Variants in TMEM131L observed in about 807,000 individuals in gnomAD.
The protein encoded by TMEM131L is transmembrane protein 131-like.
In TMEM131L, 54 loss-of-function variants were observed where a neutral mutation model predicts 192.2. The observed-to-expected ratio is 0.28, with a 90% CI of 0.23 to 0.35. The LOEUF is 0.35. Ranked by LOEUF, TMEM131L falls within the 10% of genes least tolerant of loss-of-function variation. The pLI, the probability that TMEM131L is intolerant of heterozygous loss-of-function variation, is 1.00. For missense variants in TMEM131L, 1,888 were observed against 1,972.9 expected (o/e 0.96, Z 0.82); for synonymous variants, 701 against 704.9 (o/e 0.99, Z 0.09).
chr4:153,587,772 C>T lies in TMEM131L; in HGVS notation c.1513C>T (p.His505Tyr), dbSNP rs1730795288. The T allele has an allele frequency of 6.2e-7, 1 of 1,613,292 alleles. No homozygotes were observed. Among genetic ancestry groups the T allele is most frequent in the Non-Finnish European group, 8.5e-7 (1 of 1,179,418 alleles). Residue 505 changes from histidine (H) to tyrosine (Y), a missense_variant, in exon 15 of 35, where the codon CAT becomes TAT. By Grantham distance (83) the His-to-Tyr change is moderately conservative (BLOSUM62 2). Coordinates refer to ENST00000409959, the MANE Select transcript of TMEM131L (RefSeq NM_001131007.2). ...EGSLGFEVIA[H>Y]CGMHYFMGKS... Reference sequence around the variant, plus strand: ...GAGTCTGGGTTTTGAAGTGATAGCACATTGTGGCATGCATTATTTCATGGG... The same window carrying T: ...GAGTCTGGGTTTTGAAGTGATAGCATATTGTGGCATGCATTATTTCATGGG...
intron 12 of TMEM131L, 100 bp downstream of exon 12, chr4:153,585,031 C>T (rs1730606157): frequency 2.2e-6 from 2 of 923,548 alleles, no homozygotes; most frequent in East Asian, 5.2e-5. Context: ...TTGTGTGATT[C>T]TCTCTCTCAC....
At chr4:153,603,750 A>G in intron 24 of TMEM131L, 52 bp from the exon 25 acceptor site, 1 of 1,518,108 alleles carries the variant, frequency 6.6e-7, no homozygotes, top group Non-Finnish European at 8.8e-7. Context: ...GCAGACAAGT[A>G]GAGTTTGATT....
chr4:153,560,892 G>A lies in TMEM131L; in HGVS notation c.660+2524G>A, dbSNP rs529556138. Among the ~76,000 whole-genome samples the A allele has an allele frequency of 9.2e-5, 14 of 152,258 alleles. No homozygotes were observed. In the East Asian group the frequency reaches 2.7e-3, roughly 29 times the overall value. ...ATCTTTCATATCTTTTCTCTTAGGTGTATATTTAGGAGTGGAATTTTGCTG... is the reference window on the plus strand; with the variant it reads ...ATCTTTCATATCTTTTCTCTTAGGTATATATTTAGGAGTGGAATTTTGCTG... On this transcript the variant is annotated intron_variant, in intron 7 of 34. Transcript: ENST00000409959.
intron 3 of TMEM131L, among the ~76,000 whole-genome samples, chr4:153,538,640 G>A (rs1736523942): frequency 6.6e-6 from 1 of 152,248 alleles, no homozygotes; most frequent in Non-Finnish European, 1.5e-5. Flanking sequence ...GCAAGCAGGG[G>A]CTGGAGTGAT....
intron 6 of TMEM131L, among the ~76,000 whole-genome samples, chr4:153,557,743 C>G (rs1022251980): frequency 6.6e-6 from 1 of 152,174 alleles, no homozygotes; most frequent in African/African-American, 2.4e-5. Context: ...TACTTGTGAA[C>G]AGATTTGCTA....
intron 31 of TMEM131L, among the ~76,000 whole-genome samples, chr4:153,629,484 C>T (rs565423804): frequency 8.5e-5 from 13 of 152,280 alleles, no homozygotes; most frequent in South Asian, 2.1e-4. Context: ...TAATACTTCC[C>T]GTCATTAAAA....
At chr4:153,484,889 G>C (rs1405880372) in intron 3 of TMEM131L, among the ~76,000 whole-genome samples, 1 of 147,754 alleles carries the variant, frequency 6.8e-6, no homozygotes, top group Non-Finnish European at 1.5e-5. Context: ...GGAGGCCGAG[G>C]CGGGCGGATC....
At chr4:153,567,345 C>G (rs996526514) in intron 7 of TMEM131L, among the ~76,000 whole-genome samples, 1 of 152,110 alleles carries the variant, frequency 6.6e-6, no homozygotes, top group Non-Finnish European at 1.5e-5. Flanking sequence ...CTACAAATAC[C>G]TGTGTAAACA....
intron 3 of TMEM131L, among the ~76,000 whole-genome samples, chr4:153,491,779 T>A (rs984908738): frequency 6.6e-6 from 1 of 152,270 alleles, no homozygotes; most frequent in East Asian, 1.9e-4. Context: ...CAGTCTTGGC[T>A]CACTACAACC....
At chr4:153,480,759 A>T (rs1326737366) in intron 3 of TMEM131L, among the ~76,000 whole-genome samples, 3 of 152,128 alleles carry the variant, frequency 2.0e-5, no homozygotes, top group Admixed American at 6.5e-5. Context: ...TATACTCTCT[A>T]TATAGAAGGA....
intron 3 of TMEM131L, among the ~76,000 whole-genome samples, chr4:153,493,810 A>G (rs1161871113): frequency 2.0e-5 from 3 of 152,160 alleles, no homozygotes; most frequent in Admixed American, 6.6e-5. Context: ...TACCTACCAC[A>G]GAGTTTGTTT....
chr4:153,619,578 A>G (rs1733242365), intron 26 of TMEM131L, among the ~76,000 whole-genome samples: 1 of 152,274 alleles, frequency 6.6e-6, no homozygotes, highest in African/African-American at 2.4e-5. Flanking sequence ...CTACGCAGTT[A>G]CAAATCCCAT....
At chr4:153,609,541 A>G (rs1173548231) in intron 25 of TMEM131L, among the ~76,000 whole-genome samples, 2 of 152,210 alleles carry the variant, frequency 1.3e-5, no homozygotes, top group Admixed American at 1.3e-4. Flanking sequence ...GAATGCTTTC[A>G]TGTTAGAATT....
At chr4:153,527,597 T>G (rs1184821541) in intron 3 of TMEM131L, among the ~76,000 whole-genome samples, 1 of 152,162 alleles carries the variant, frequency 6.6e-6, no homozygotes. Flanking sequence ...TCTCGTCTTT[T>G]TTATAGTGCA....
rs933985985 is a variant in TMEM131L, at chr4:153,521,346, C to T, written c.240-28727C>T. Among the ~76,000 whole-genome samples the T allele has an allele frequency of 7.2e-5, 11 of 152,270 alleles. 1 individual carries two copies. Among genetic ancestry groups the T allele is most frequent in the African/African-American group, 7.2e-5 (3 of 41,542 alleles). On this transcript the variant is annotated intron_variant, in intron 3 of 34. Transcript: ENST00000409959. ...CTTCCAGGCAGGACCGTTTCAAATG[C>T]GTGTCTCCTCTTGATGTTCTAGCTA...
chr4:153,610,688 G>A (rs763090170), intron 25 of TMEM131L, among the ~76,000 whole-genome samples: 2 of 152,184 alleles, frequency 1.3e-5, no homozygotes, highest in African/African-American at 2.4e-5. Flanking sequence ...TGCTTTGAGT[G>A]AGTTTAATTT....
chr4:153,559,599 C>T (rs979467098), intron 7 of TMEM131L, among the ~76,000 whole-genome samples: 3 of 152,122 alleles, frequency 2.0e-5, no homozygotes, highest in African/African-American at 4.8e-5. Context: ...ACAGCGTACC[C>T]ATTCTCTCAT....
At chr4:153,593,052 T>C (rs1479341837) in intron 18 of TMEM131L, among the ~76,000 whole-genome samples, 1 of 152,156 alleles carries the variant, frequency 6.6e-6, no homozygotes, top group Non-Finnish European at 1.5e-5. Context: ...CCCTCCTTAT[T>C]TGAGGGTTCT....
At chr4:153,613,710 C>T (rs1054408695) in intron 26 of TMEM131L, among the ~76,000 whole-genome samples, 12 of 151,974 alleles carry the variant, frequency 7.9e-5, no homozygotes, top group Admixed American at 2.6e-4. Flanking sequence ...TCTGTACTGC[C>T]GTTCTTTCAT....
Sources: gnomAD v4.1 joint callset for allele counts (sites outside exome capture counted in the v4.1 genomes callset) on GRCh38, gnomAD v4.1.1 for gene constraint, MANE v1.5 for transcripts, NCBI Gene and HGNC (gene_info 2026-07-23, HGNC 2026-07-21) for gene names.